The following TNFAIP3 variants were observed in gnomAD, a reference collection of about 807,000 sequenced individuals.
TNFAIP3 encodes the protein tumor necrosis factor alpha-induced protein 3.
Under a neutral mutation model 72.4 loss-of-function variants are expected in TNFAIP3, and 9 were observed. The ratio of observed to expected loss-of-function variants is 0.12; its 90% CI spans 0.07 to 0.22. TNFAIP3 has a LOEUF of 0.22. Ranked by LOEUF, TNFAIP3 falls within the 10% of genes least tolerant of loss-of-function variation. The pLI is 1.00. For missense variants in TNFAIP3, 833 were observed against 1,018.7 expected, an observed-to-expected ratio of 0.82 and a Z score of 2.48; for synonymous variants, 339 against 372.6, an observed-to-expected ratio of 0.91 and a Z score of 1.04.
At chr6:137,869,264 C>G (rs181994402) in intron 1 of TNFAIP3, among the ~76,000 whole-genome samples, 1 of 152,060 alleles carries the variant, frequency 6.6e-6, no homozygotes, top group Non-Finnish European at 1.5e-5. Context: ...TTAGTCCCAT[C>G]ATCAAGCATG....
rs2114517175 is a variant in TNFAIP3 at position 137,881,197 on chromosome 6, G to A, written c.2251G>A (p.Glu751Lys). The change falls in exon 9 of 9, where the codon GAG (glutamate) becomes AAG (lysine). Residue 751 changes from glutamate to lysine, a missense_variant. Physicochemically the swap from Glu to Lys is moderately conservative, Grantham distance 56 (BLOSUM62 1). Transcript: ENST00000612899. This position sits in a 1 kb window ranked among gnomAD's most constrained non-coding sequence, Gnocchi z 5.0. ...QRMGPGAHRG[E>K]PAPEDPPKQR... ...GATGGGCCCTGGGGCCCACCGGGGT[G>A]AGCCTGCCCCCGAAGACCCCCCCAA... is the stretch of plus-strand genomic sequence containing the variant. 3 of 1,613,522 alleles carry A rather than the reference G, an allele frequency of 1.9e-6. No homozygotes were observed. The highest frequency in any genetic ancestry group is 2.5e-6 in the Non-Finnish European group (3 of 1,179,842).
At chr6:137,876,956 C>T in intron 5 of TNFAIP3, 120 bp from the exon 6 acceptor site, 1 of 794,134 alleles carries the variant, frequency 1.3e-6, no homozygotes, top group South Asian at 2.6e-5. Context: ...TTAACTGTGG[C>T]TAAGAATACT....
At chr6:137,872,228 C>T (rs1776086960) in intron 2 of TNFAIP3, among the ~76,000 whole-genome samples, 1 of 152,170 alleles carries the variant, frequency 6.6e-6, no homozygotes, top group African/African-American at 2.4e-5. Flanking sequence ...CCAAGCTTTA[C>T]TGTTTTGTTT....
At chr6:137,879,420 A>G in intron 7 of TNFAIP3, 69 bp downstream of exon 7, 1 of 1,513,980 alleles carries the variant, frequency 6.6e-7, no homozygotes. Context: ...CTGACCTTTA[A>G]GAAAAAAAGC....
At chr6:137,880,361 C>A in intron 8 of TNFAIP3, 109 bp downstream of exon 8, 1 of 1,196,350 alleles carries the variant, frequency 8.4e-7, no homozygotes, top group Non-Finnish European at 1.2e-6. Context: ...CAGGTTCTGT[C>A]TCCTCATGAT....
rs969699614 is a variant in TNFAIP3, at chr6:137,874,950, A to C, written c.401A>C (p.Asp134Ala). The C allele has an allele frequency of 6.2e-7, 1 of 1,614,250 alleles. No individual in the cohort carries two copies. Among genetic ancestry groups the C allele is most frequent in the Admixed American group, 1.7e-5 (1 of 60,034 alleles). Residue 134 changes from aspartate to alanine, a missense_variant, in exon 3 of 9, where the codon GAC becomes GCC. Physicochemically the swap from Asp to Ala is moderately radical, Grantham distance 126. Coordinates refer to ENST00000612899, the MANE Select transcript of TNFAIP3 (RefSeq NM_001270508.2). The part of the protein sequence containing the change: ...KALFSTLKET[D>A]TRNFKFRWQL... ...CTGTTCAGCACGCTCAAGGAAACAG[A>C]CACACGCAACTTTAAATTCCGCTGG... is the stretch of plus-strand genomic sequence containing the variant.
intron 5 of TNFAIP3, 142 bp downstream of exon 5, chr6:137,876,308 G>A (rs1776244977): frequency 2.8e-6 from 2 of 711,446 alleles, no homozygotes; most frequent in Admixed American, 5.4e-5. Context: ...TGGTTAGTAA[G>A]AGTAATGCAG....
At chr6:137,876,404 C>T (rs989094557) in intron 5 of TNFAIP3, 7 of 418,780 alleles carry the variant, frequency 1.7e-5, no homozygotes, top group South Asian at 3.4e-5. Flanking sequence ...GCACAGTGCT[C>T]TTAATACAGT....
chr6:137,870,927 A>G (rs1203570915), intron 1 of TNFAIP3, among the ~76,000 whole-genome samples: 3 of 152,224 alleles, frequency 2.0e-5, no homozygotes, highest in African/African-American at 7.2e-5. Context: ...GCTCCCTGAC[A>G]AACATTACTG....
Position 137,882,637 on chromosome 6 carries a change from A to G in TNFAIP3, c.*1318A>G, listed in dbSNP as rs151101149. The stretch of plus-strand genomic sequence containing the variant: ...CTCCTTGGAGATGAGATAGGGAAGG[A>G]GCAGGGATGAGACTGGCAATGGTCA... On this transcript the variant is annotated 3_prime_UTR_variant, in exon 9 of 9. Coordinates refer to ENST00000612899, the MANE Select transcript of TNFAIP3 (RefSeq NM_001270508.2). 127 of 233,036 alleles carry G rather than the reference A, an allele frequency of 5.4e-4. No individual in the cohort carries two copies. The highest frequency in any genetic ancestry group is 2.7e-3 in the African/African-American group (123 of 45,418). 14.4% of individuals were successfully genotyped at this position (233,036 alleles called of 1,614,324 possible). A position where few individuals can be genotyped will look rare whatever the true frequency, so the allele number is the denominator to read the frequency against.
rs758820434 is a variant in TNFAIP3 at position 137,871,201 on chromosome 6, T to C, written c.-15-12T>C. ...TAATAGAATGGCTTTTTTTTTTTCCTTTCCTTTTCAGGTGTTGGAGAGCAC... is the reference window on the plus strand; with the variant it reads ...TAATAGAATGGCTTTTTTTTTTTCCCTTCCTTTTCAGGTGTTGGAGAGCAC... On this transcript the variant is annotated splice_polypyrimidine_tract_variant and intron_variant, in intron 1 of 8. Transcript: ENST00000612899. This position sits in a 1 kb window ranked among gnomAD's most constrained non-coding sequence, Gnocchi z 4.2. 13 of 1,572,372 alleles carry C rather than the reference T, an allele frequency of 8.3e-6. No individual in the cohort carries two copies. Among genetic ancestry groups the C allele is most frequent in the East Asian group, 4.5e-5 (2 of 44,574 alleles).
rs1354217820 is a variant in TNFAIP3, at chr6:137,881,693, G to A, written c.*374G>A. On this transcript the variant is annotated 3_prime_UTR_variant, in exon 9 of 9. Coordinates refer to ENST00000612899, the MANE Select transcript of TNFAIP3 (RefSeq NM_001270508.2). This position sits in a 1 kb window ranked among gnomAD's most constrained non-coding sequence, Gnocchi z 5.0. ...ATCGTCTTGGCTGAGAAAGGGAAAA[G>A]ACACACAAGTCGCGTGGGTTGGAGA... 1.2e-5 allele frequency: 3 copies of A among 258,914 alleles called. No individual in the cohort carries two copies. The highest frequency in any genetic ancestry group is 5.4e-5 in the Admixed American group (1 of 18,450). 16.0% of individuals were successfully genotyped at this position (258,914 alleles called of 1,614,324 possible). A position where few individuals can be genotyped will look rare whatever the true frequency, so the allele number is the denominator to read the frequency against.
intron 2 of TNFAIP3, among the ~76,000 whole-genome samples, chr6:137,872,059 T>G (rs1266623315): frequency 1.3e-5 from 2 of 152,216 alleles, no homozygotes; most frequent in East Asian, 3.8e-4. Context: ...CTAGGTTCTA[T>G]TGCCTATGCC....
chr6:137,874,715 G>A, intron 2 of TNFAIP3, 130 bp from the exon 3 acceptor site: 1 of 838,284 alleles, frequency 1.2e-6, no homozygotes, highest in Non-Finnish European at 1.8e-6. Flanking sequence ...CCTTGACTAG[G>A]AAATTACATC....
In TNFAIP3 at chr6:137,883,037, C is replaced by A. The variant is rs1776513360; in HGVS notation, c.*1718C>A. 1 of 218,456 alleles carries A rather than the reference C, an allele frequency of 4.6e-6. No individual in the cohort carries two copies. The highest frequency in any genetic ancestry group is 5.8e-5 in the Admixed American group (1 of 17,254). The allele number at this position is 218,456 out of a possible 1,614,324, so 13.5% of individuals were successfully genotyped here. A position where few individuals can be genotyped will look rare whatever the true frequency, so the allele number is the denominator to read the frequency against. On this transcript the variant is annotated 3_prime_UTR_variant, in exon 9 of 9. Transcript: ENST00000612899. ...CCCCCTAAGTTTTTCCCAGACGAAT[C>A]TTTATAATTTCTTTCCAAAGATACC...
rs377072679 is a variant in TNFAIP3, at chr6:137,878,903, A to T, written c.1458A>T (p.Thr486=). 5 of 1,613,916 alleles carry T rather than the reference A, an allele frequency of 3.1e-6. No individual in the cohort carries two copies. Among genetic ancestry groups the T allele is most frequent in the Non-Finnish European group, 4.2e-6 (5 of 1,180,012 alleles). The change falls in exon 7 of 9, where the codon ACA becomes ACT. Residue 486 remains threonine, a synonymous_variant. Transcript: ENST00000612899. ...GCAGGAGCCCCGGCTGCCCCTTCAC[A>T]CTGAATGTGCAGCACAACGGATTTT... ...MKCRSPGCPF[T]LNVQHNGFCE...
At position 137,875,820 on chromosome 6, in the gene TNFAIP3, A is replaced by C. The variant is rs141807543; in HGVS notation, c.619A>C (p.Ile207Leu). The C allele has an allele frequency of 1.3e-4, 209 of 1,614,216 alleles. 12 individuals carry two copies. Among genetic ancestry groups the C allele is most frequent in the Admixed American group, 5.8e-4 (35 of 60,028 alleles). The change falls in exon 4 of 9, where the codon ATC becomes CTC. Residue 207 changes from isoleucine to leucine, a missense_variant. This residue lies in a region of TNFAIP3 where 246 missense variants were observed against 360.9 expected (regional missense o/e 0.68). Transcript: ENST00000612899. ...CCTTTGCAACATCCTCAGAAGGCCA[A>C]TCATTGTCATTTCAGGTGAGATGCC... ...FVLCNILRRP[I>L]IVISDKMLRS...
rs377038705 is a variant in TNFAIP3 at position 137,881,219 on chromosome 6, C to A, written c.2273C>A (p.Pro758His). ...GGTGAGCCTGCCCCCGAAGACCCCC[C>A]CAAGCAGCGTTGCCGGGCCCCCGCC... ...HRGEPAPEDP[P>H]KQRCRAPACD... The change falls in exon 9 of 9, where the codon CCC (proline) becomes CAC (histidine). Residue 758 changes from proline (P) to histidine (H), a missense_variant. Physicochemically the swap from Pro to His is moderately conservative, Grantham distance 77. Coordinates refer to ENST00000612899, the MANE Select transcript of TNFAIP3 (RefSeq NM_001270508.2). The surrounding 1 kb of genome is among the most constrained non-coding windows in gnomAD (Gnocchi z 5.0). 22 of 1,611,592 alleles carry A rather than the reference C, an allele frequency of 1.4e-5. No individual in the cohort carries two copies. The highest frequency in any genetic ancestry group is 4.5e-5 in the East Asian group (2 of 44,740).
Position 137,882,620 on chromosome 6 carries a change from A to T in TNFAIP3, c.*1301A>T, listed in dbSNP as rs1232862833. 1.3e-5 allele frequency: 3 copies of T among 232,852 alleles called. No individual in the cohort carries two copies. The highest frequency in any genetic ancestry group is 2.5e-5 in the Non-Finnish European group (3 of 117,780). 14.4% of individuals were successfully genotyped at this position (232,852 alleles called of 1,614,324 possible). A position where few individuals can be genotyped will look rare whatever the true frequency, so the allele number is the denominator to read the frequency against. On this transcript the variant is annotated 3_prime_UTR_variant, in exon 9 of 9. Transcript: ENST00000612899. ...GCCTCTGAGTGTCCTACCTCCTTGG[A>T]GATGAGATAGGGAAGGAGCAGGGAT...
Sources: allele counts gnomAD v4.1 joint callset (sites outside exome capture counted in the v4.1 genomes callset), GRCh38; gene constraint gnomAD v4.1.1; regional missense constraint gnomAD v4.1.1; non-coding constraint Gnocchi (gnomAD v3.1); transcripts MANE v1.5; gene names NCBI Gene and HGNC (gene_info 2026-07-23, HGNC 2026-07-21).